The following SLC47A1 variants were observed in gnomAD, a reference collection of about 807,000 sequenced individuals.
SLC47A1 encodes multidrug and toxin extrusion protein 1.
A neutral mutation model predicts 65.8 loss-of-function variants in SLC47A1; 58 were observed. The ratio of observed to expected loss-of-function variants is 0.88; its 90% CI spans 0.71 to 1.10. The LOEUF is 1.10. Ranked by LOEUF, SLC47A1 falls within the 50% of genes least tolerant of loss-of-function variation. SLC47A1 has a pLI of 0.00. For synonymous variants in SLC47A1, 285 were observed against 295.0 expected (o/e 0.97, Z 0.35); for missense variants, 706 against 719.2 (o/e 0.98, Z 0.21).
At chr17:19,539,993 G>A (rs897876156) in intron 1 of SLC47A1, among the ~76,000 whole-genome samples, 9 of 152,160 alleles carry the variant, frequency 5.9e-5, no homozygotes, top group African/African-American at 7.2e-5. Context: ...TCAGGCAGTC[G>A]GAGTACAGGG....
chr17:19,576,351 CTT>C lies in SLC47A1; in HGVS notation c.1487-959_1487-958del, dbSNP rs199805601. On this transcript the variant is annotated intron_variant, in intron 16 of 16. Coordinates refer to ENST00000270570, the MANE Select transcript of SLC47A1 (RefSeq NM_018242.3). The stretch of plus-strand genomic sequence containing the variant: ...ATAGCCTTGTATTCTTTCTTCCTTC[CTT>C]TTTTTTTTTTTTTTTTGACACTGGG... Among the ~76,000 whole-genome samples, 384 of 123,254 alleles carry C rather than the reference CTT, an allele frequency of 3.1e-3. 3 individuals are homozygous for C. The highest frequency in any genetic ancestry group is 0.01 in the African/African-American group (332 of 31,712). The allele number at this position is 123,254 out of a possible 152,430, so 80.9% of individuals were successfully genotyped here. A position where few individuals can be genotyped will look rare whatever the true frequency, so the allele number is the denominator to read the frequency against.
chr17:19,551,291 C>G (rs1022522036), intron 5 of SLC47A1, 133 bp from the exon 6 acceptor site: 212 of 814,986 alleles, frequency 2.6e-4, no homozygotes, highest in Middle Eastern at 2.5e-3. Context: ...CCTGAGACGA[C>G]AGCCTCTGTG....
chr17:19,534,392 C>G (rs796643094), intron 1 of SLC47A1: 27 of 299,120 alleles, frequency 9.0e-5, no homozygotes, highest in African/African-American at 5.6e-4. Flanking sequence ...GAGCTGGGAC[C>G]TTTGCCCCTA....
rs773052291 is a variant in SLC47A1, at chr17:19,560,212, G to A, written c.946G>A (p.Ala316Thr). The A allele has an allele frequency of 4.3e-5, 70 of 1,612,886 alleles. No individual in the cohort carries two copies. Among genetic ancestry groups the A allele is most frequent in the Non-Finnish European group, 5.3e-5 (63 of 1,179,920 alleles). The change falls in exon 11 of 17, where the codon GCC becomes ACC. Residue 316 changes from alanine (A) to threonine (T), a missense_variant. By Grantham distance (58) the Ala-to-Thr change is moderately conservative. Coordinates refer to ENST00000270570, the MANE Select transcript of SLC47A1 (RefSeq NM_018242.3). Reference protein sequence around the residue: ...YMVPAGFSVAASVRVGNALGA... With the variant: ...YMVPAGFSVATSVRVGNALGA... Reference sequence around the variant, plus strand: ...GGTCCCTGCAGGCTTCAGTGTGGCTGCCAGTGTCCGGGTAGGAAACGCTCT... The same window carrying A: ...GGTCCCTGCAGGCTTCAGTGTGGCTACCAGTGTCCGGGTAGGAAACGCTCT...
rs778074592 is a variant in SLC47A1 at position 19,572,791 on chromosome 17, C to T, written c.1416C>T (p.His472=). The part of the protein sequence containing the change: ...WKKACQQAQV[H]ANLKVNNVPR... ...GTTTCATTTTCCAGGCTCAGGTACACGCCAATTTGAAAGTAAACAACGTGC... is the reference window on the plus strand; with the variant it reads ...GTTTCATTTTCCAGGCTCAGGTACATGCCAATTTGAAAGTAAACAACGTGC... Residue 472 remains histidine (H), a synonymous_variant, in exon 16 of 17, where the codon CAC becomes CAT. Transcript: ENST00000270570. 27 of 1,613,972 alleles carry T rather than the reference C, an allele frequency of 1.7e-5. No individual in the cohort carries two copies. Among genetic ancestry groups the T allele is most frequent in the African/African-American group, 4.0e-5 (3 of 74,882 alleles).
chr17:19,549,486 G>T (rs568041670), intron 4 of SLC47A1, 149 bp from the exon 5 acceptor site: 2 of 783,756 alleles, frequency 2.6e-6, no homozygotes, highest in Non-Finnish European at 4.2e-6. Flanking sequence ...GAGCCACCGC[G>T]CCCGGCCTGC....
chr17:19,554,990 G>A (rs1016161263), intron 6 of SLC47A1, among the ~76,000 whole-genome samples: 8 of 151,990 alleles, frequency 5.3e-5, no homozygotes, highest in African/African-American at 1.5e-4. Context: ...GTCTCTCTGT[G>A]GCCAGAACTC....
At chr17:19,543,256 C>G (rs1413139760) in intron 2 of SLC47A1, among the ~76,000 whole-genome samples, 1 of 151,538 alleles carries the variant, frequency 6.6e-6, no homozygotes, top group Non-Finnish European at 1.5e-5. Flanking sequence ...ACTACAGGTG[C>G]CTGCCACCAT....
chr17:19,577,767 T>TAA lies in SLC47A1; in HGVS notation c.*214_*215insAA, dbSNP rs1208617437. 2.9e-6 allele frequency: 4 copies of TAA among 1,386,028 alleles called. No homozygotes were observed. In the Admixed American group the frequency reaches 9.0e-5, roughly 31 times the overall value. 85.9% of individuals were successfully genotyped at this position (1,386,028 alleles called of 1,614,324 possible). A position where few individuals can be genotyped will look rare whatever the true frequency, so the allele number is the denominator to read the frequency against. ...CCAAGACACTGTCTGAAAGATGACATGAGTAGTAATTCACCACTATCTGAA... is the reference window on the plus strand; with the variant it reads ...CCAAGACACTGTCTGAAAGATGACATAAGAGTAGTAATTCACCACTATCTGAA... On this transcript the variant is annotated 3_prime_UTR_variant, in exon 17 of 17. Transcript: ENST00000270570.
Position 19,555,269 on chromosome 17 carries a change from G to A in SLC47A1, c.601G>A (p.Ala201Thr), listed in dbSNP as rs761488054. Residue 201 changes from alanine to threonine, a missense_variant, in exon 7 of 17, where the codon GCC becomes ACC. Coordinates refer to ENST00000270570, the MANE Select transcript of SLC47A1 (RefSeq NM_018242.3). The part of the protein sequence containing the change: ...GVAANLVNAL[A>T]NYLFLHQLHL... Reference sequence around the variant, plus strand: ...TGCAGCCAACCTTGTCAATGCCCTCGCCAACTATCTGTTTCTCCATCAACT... The same window carrying A: ...TGCAGCCAACCTTGTCAATGCCCTCACCAACTATCTGTTTCTCCATCAACT... 10 of 1,614,012 alleles carry A rather than the reference G, an allele frequency of 6.2e-6. No homozygotes were observed. Among genetic ancestry groups the A allele is most frequent in the East Asian group, 2.2e-5 (1 of 44,892 alleles).
At chr17:19,556,591 T>C (rs1409382485) in intron 10 of SLC47A1, among the ~76,000 whole-genome samples, 5 of 141,726 alleles carry the variant, frequency 3.5e-5, no homozygotes, top group African/African-American at 1.3e-4. Context: ...GGAGTCCCAC[T>C]CTTGTTGCCC....
chr17:19,555,199 G>T lies in SLC47A1; in HGVS notation c.544-13G>T. ...GTGGATCTCAAGGATGGCATGCGGTGTCCTTTTTCCAGGGAATTGTACTGC... is the reference window on the plus strand; with the variant it reads ...GTGGATCTCAAGGATGGCATGCGGTTTCCTTTTTCCAGGGAATTGTACTGC... On this transcript the variant is annotated splice_polypyrimidine_tract_variant and intron_variant, in intron 6 of 16. Transcript: ENST00000270570. 1 of 1,613,194 alleles carries T rather than the reference G, an allele frequency of 6.2e-7. No homozygotes were observed. Among genetic ancestry groups the T allele is most frequent in the Non-Finnish European group, 8.5e-7 (1 of 1,179,128 alleles).
chr17:19,556,270 C>T (rs1438253378), intron 10 of SLC47A1, among the ~76,000 whole-genome samples: 3 of 152,218 alleles, frequency 2.0e-5, no homozygotes, highest in African/African-American at 4.8e-5. Flanking sequence ...AGAAACTGCA[C>T]ATGATCTGCT....
intron 1 of SLC47A1, among the ~76,000 whole-genome samples, chr17:19,539,511 G>GTCTC (rs1363093243): frequency 3.3e-5 from 5 of 151,540 alleles, no homozygotes; most frequent in Non-Finnish European, 7.4e-5. Flanking sequence ...TTGAGATGGA[G>GTCTC]TCTCTCTCTG....
At chr17:19,565,210 C>T (rs1378467798) in intron 12 of SLC47A1, among the ~76,000 whole-genome samples, 1 of 152,128 alleles carries the variant, frequency 6.6e-6, no homozygotes, top group Non-Finnish European at 1.5e-5. Flanking sequence ...TTAGGGGTTC[C>T]ATTTCTAGGA....
chr17:19,542,737 G>A (rs1269693028), intron 2 of SLC47A1, among the ~76,000 whole-genome samples: 1 of 151,780 alleles, frequency 6.6e-6, no homozygotes. Flanking sequence ...GGACATCTGG[G>A]GGGGCATTAT....
intron 10 of SLC47A1, among the ~76,000 whole-genome samples, chr17:19,559,571 G>T (rs564381609): frequency 1.3e-5 from 2 of 152,198 alleles, no homozygotes; most frequent in African/African-American, 4.8e-5. Flanking sequence ...TCACTCTGTC[G>T]CACAGGCTGG....
At position 19,560,499 on chromosome 17, in the gene SLC47A1, T is replaced by G; in HGVS notation, c.1106+6T>G. On this transcript the variant is annotated splice_donor_region_variant and intron_variant, in intron 12 of 16. Transcript: ENST00000270570. Reference sequence around the variant, plus strand: ...TACATTTTTACTACCGACCGGTGAGTGCTAGGATTTTCTTGAAATGTGAAA... The same window carrying G: ...TACATTTTTACTACCGACCGGTGAGGGCTAGGATTTTCTTGAAATGTGAAA... The G allele has an allele frequency of 6.2e-7, 1 of 1,613,954 alleles. No homozygotes were observed. Among genetic ancestry groups the G allele is most frequent in the African/African-American group, 1.3e-5 (1 of 75,032 alleles).
intron 1 of SLC47A1, among the ~76,000 whole-genome samples, chr17:19,540,535 A>T (rs1916114816): frequency 6.6e-6 from 1 of 152,222 alleles, no homozygotes; most frequent in African/African-American, 2.4e-5. Context: ...CACAGGGGAC[A>T]TCTGTAAGGG....
Sources: gnomAD v4.1 joint callset for allele counts (sites outside exome capture counted in the v4.1 genomes callset) on GRCh38, gnomAD v4.1.1 for gene constraint, MANE v1.5 for transcripts, NCBI Gene and HGNC (gene_info 2026-07-23, HGNC 2026-07-21) for gene names.